The following SLC44A1 variants were observed in gnomAD, a reference collection of about 807,000 sequenced individuals.
SLC44A1 encodes the protein solute carrier family 44 member 1.
Under a neutral mutation model 79.3 loss-of-function variants are expected in SLC44A1, and 26 were observed. The observed-to-expected ratio is 0.33, with a 90% CI of 0.24 to 0.46. The LOEUF is 0.46. Ranked by LOEUF, SLC44A1 falls within the 20% of genes least tolerant of loss-of-function variation. SLC44A1 has a pLI of 1.00. For synonymous variants in SLC44A1, 263 were observed against 286.2 expected, an observed-to-expected ratio of 0.92 and a Z score of 0.82; for missense variants, 688 against 798.1, an observed-to-expected ratio of 0.86 and a Z score of 1.66.
intron 12 of SLC44A1, among the ~76,000 whole-genome samples, chr9:105,368,835 C>T (rs1449751493): frequency 4.6e-5 from 7 of 151,980 alleles, no homozygotes; most frequent in African/African-American, 1.7e-4. Flanking sequence ...GTCAGGAGTT[C>T]GAGACCATCT....
chr9:105,397,692 C>A (rs1415015598), downstream of SLC44A1, among the ~76,000 whole-genome samples: 1 of 152,096 alleles, frequency 6.6e-6, no homozygotes, highest in East Asian at 1.9e-4. Flanking sequence ...CGCCTGTAAT[C>A]CCAGCACTTT....
chr9:105,260,461 C>A (rs7035129), intron 1 of SLC44A1, among the ~76,000 whole-genome samples: 1 of 152,180 alleles, frequency 6.6e-6, no homozygotes, highest in Admixed American at 6.5e-5. Flanking sequence ...CCAGAAGCAA[C>A]AATAAGGTTG....
chr9:105,336,134 A>ATGTGTGTGTGTGTGTGTGTGTG (rs35324360), intron 4 of SLC44A1, among the ~76,000 whole-genome samples: 25 of 145,070 alleles, frequency 1.7e-4, no homozygotes, highest in African/African-American at 5.7e-4. Flanking sequence ...GTGTGTGTGC[A>ATGTGTGTGTGTGTGTGTGTGTG]TGTGTGTGTG....
chr9:105,255,176 A>T (rs191219595), intron 1 of SLC44A1, among the ~76,000 whole-genome samples: 1 of 151,254 alleles, frequency 6.6e-6, no homozygotes, highest in African/African-American at 2.4e-5. Context: ...AAGAGTTCTC[A>T]CAGTATATAA....
At chr9:105,297,479 G>T (rs1396923221) in intron 1 of SLC44A1, among the ~76,000 whole-genome samples, 2 of 152,104 alleles carry the variant, frequency 1.3e-5, no homozygotes, top group East Asian at 3.9e-4. Flanking sequence ...CGCCTCCCGG[G>T]TTCAAGCGAT....
chr9:105,392,040 A>G lies in SLC44A1; in HGVS notation c.*2984A>G. ...GGTCTTCCATAATATGGAAGAGAAAAGTTATATTTCAGTGTAAATCCAAGA... is the reference window on the plus strand; with the variant it reads ...GGTCTTCCATAATATGGAAGAGAAAGGTTATATTTCAGTGTAAATCCAAGA... On this transcript the variant is annotated 3_prime_UTR_variant, in exon 16 of 16. Transcript: ENST00000374720. The G allele has an allele frequency of 1.5e-5, 15 of 985,208 alleles. No individual in the cohort carries two copies. Among genetic ancestry groups the G allele is most frequent in the Non-Finnish European group, 1.8e-5 (15 of 829,776 alleles). The allele number at this position is 985,208 out of a possible 1,614,324, so 61.0% of individuals were successfully genotyped here. A position where few individuals can be genotyped will look rare whatever the true frequency, so the allele number is the denominator to read the frequency against.
intron 3 of SLC44A1, among the ~76,000 whole-genome samples, chr9:105,313,872 C>G (rs1396496233): frequency 6.6e-6 from 1 of 151,972 alleles, no homozygotes. Flanking sequence ...GATTCTCCTG[C>G]CTCAGCCTCC....
At chr9:105,325,247 A>G (rs1826535997) in intron 3 of SLC44A1, among the ~76,000 whole-genome samples, 1 of 152,264 alleles carries the variant, frequency 6.6e-6, no homozygotes, top group Non-Finnish European at 1.5e-5. Context: ...AAAAGAAGCC[A>G]GCCACATATG....
intron 4 of SLC44A1, among the ~76,000 whole-genome samples, chr9:105,340,778 A>G (rs767573687): frequency 7.9e-5 from 12 of 152,190 alleles, no homozygotes; most frequent in Non-Finnish European, 1.5e-4. Context: ...TTACCTCTAG[A>G]AATTAAAGGG....
Position 105,390,543 on chromosome 9 carries a change from A to G in SLC44A1, c.*1487A>G, listed in dbSNP as rs1055879252. ...CTAGACAGTGAATTAGATCGGTATT[A>G]TGGAAATGCATACAAGTAATGTCAC... On this transcript the variant is annotated 3_prime_UTR_variant, in exon 16 of 16. Transcript: ENST00000374720. 2.0e-6 allele frequency: 2 copies of G among 984,664 alleles called. No individual in the cohort carries two copies. The highest frequency in any genetic ancestry group is 2.4e-6 in the Non-Finnish European group (2 of 829,648). 61.0% of individuals were successfully genotyped at this position (984,664 alleles called of 1,614,324 possible).
intron 1 of SLC44A1, among the ~76,000 whole-genome samples, chr9:105,279,131 G>A (rs1032954678): frequency 2.0e-5 from 3 of 151,092 alleles, no homozygotes; most frequent in South Asian, 2.1e-4. Flanking sequence ...CCCGGGAGGC[G>A]GAGCTTGCAG....
chr9:105,260,201 C>T (rs946030419), intron 1 of SLC44A1, among the ~76,000 whole-genome samples: 3 of 152,172 alleles, frequency 2.0e-5, no homozygotes, highest in Non-Finnish European at 2.9e-5. Flanking sequence ...CATACCACCC[C>T]CTCACTGGCC....
chr9:105,411,477 TGTGTGC>T lies in SLC44A1; in HGVS notation c.1950+25982_1950+25987del, dbSNP rs1429619614. ...ATGTGTGTGTGTGTGTGTGTGTGTG[TGTGTGC>T]GTGTGCATTTTACAGACCTTCTTTA... On this transcript the variant is annotated intron_variant, in intron 15 of 15. Coordinates refer to the SLC44A1 transcript ENST00000374724. Among the ~76,000 whole-genome samples the T allele has an allele frequency of 3.3e-3, 485 of 148,684 alleles. 4 individuals are homozygous for T. The highest frequency in any genetic ancestry group is 0.012 in the African/African-American group (447 of 38,226).
chr9:105,358,359 T>G lies in SLC44A1; in HGVS notation c.686T>G (p.Leu229Trp), dbSNP rs1453610316. Residue 229 changes from leucine to tryptophan, a missense_variant, in exon 7 of 16, where the codon TTG becomes TGG. Leu to Trp is a moderately conservative substitution (Grantham distance 61). Transcript: ENST00000374720. ...CLLSLVLSMILMVIIRYISRV... is the reference protein window; with the variant it reads ...CLLSLVLSMIWMVIIRYISRV... ...TTCCCTGCAGTTCTATCCATGATTT[T>G]GATGGTGATAATCAGGTATATATCA... is the stretch of plus-strand genomic sequence containing the variant. 1 of 1,571,328 alleles carries G rather than the reference T, an allele frequency of 6.4e-7. No homozygotes were observed. Among genetic ancestry groups the G allele is most frequent in the South Asian group, 1.1e-5 (1 of 89,836 alleles).
At chr9:105,402,204 A>G (rs1828967653), downstream of SLC44A1, among the ~76,000 whole-genome samples, 1 of 152,170 alleles carries the variant, frequency 6.6e-6, no homozygotes, top group African/African-American at 2.4e-5. Flanking sequence ...TTGTAAGCAG[A>G]GGAGCAATCT....
intron 5 of SLC44A1, 78 bp downstream of exon 5, chr9:105,348,529 G>A (rs1049894898): frequency 3.6e-5 from 33 of 907,554 alleles, no homozygotes; most frequent in Non-Finnish European, 4.9e-5. Context: ...GTTATTCTGA[G>A]AAAATAGTCA....
intron 5 of SLC44A1, 34 bp from the exon 6 acceptor site, chr9:105,356,177 AT>A (rs746219401): frequency 9.5e-6 from 15 of 1,571,894 alleles, no homozygotes; most frequent in Admixed American, 3.5e-5. Flanking sequence ...AGTAGGAGTA[AT>A]TTTTTTTCTG....
chr9:105,339,111 A>G (rs1261374174), intron 4 of SLC44A1, among the ~76,000 whole-genome samples: 1 of 152,248 alleles, frequency 6.6e-6, no homozygotes, highest in Admixed American at 6.5e-5. Flanking sequence ...GGATTACATC[A>G]ATTAAAAACT....
At chr9:105,321,128 A>T (rs945985117) in intron 3 of SLC44A1, among the ~76,000 whole-genome samples, 25 of 152,104 alleles carry the variant, frequency 1.6e-4, no homozygotes, top group African/African-American at 5.8e-4. Flanking sequence ...ACTATCTGGG[A>T]AATTACTGCC....
Sources: gnomAD v4.1 joint callset for allele counts (sites outside exome capture counted in the v4.1 genomes callset) on GRCh38, gnomAD v4.1.1 for gene constraint, MANE v1.5 for transcripts, NCBI Gene and HGNC (gene_info 2026-07-23, HGNC 2026-07-21) for gene names.